Variants in PRKCZ observed in about 807,000 individuals in gnomAD.
The protein encoded by PRKCZ is protein kinase C zeta type.
PRKCZ carries 33 observed loss-of-function variants against 79.5 expected under a neutral mutation model. The ratio of observed to expected loss-of-function variants is 0.41; its 90% CI spans 0.31 to 0.55. The LOEUF is 0.55. Among genes scored for constraint, PRKCZ ranks in the 20% least tolerant of loss-of-function variants. PRKCZ has a pLI of 0.19. For synonymous variants in PRKCZ, 342 were observed against 320.9 expected (o/e 1.07, Z -0.70); for missense variants, 578 against 813.5 (o/e 0.71, Z 3.52).
At position 2,184,547 on chromosome 1, in the gene PRKCZ, G is replaced by A. The variant is rs760358797; in HGVS notation, c.1576-36G>A. ...ACTCAATCTGGTAGGGATGATGCCCGCGCGGAGCTGACCCTTCTCCTATTG... is the reference window on the plus strand; with the variant it reads ...ACTCAATCTGGTAGGGATGATGCCCACGCGGAGCTGACCCTTCTCCTATTG... On this transcript the variant is annotated intron_variant, in intron 16 of 17. Coordinates refer to ENST00000378567, the MANE Select transcript of PRKCZ (RefSeq NM_002744.6). The A allele has an allele frequency of 3.4e-5, 52 of 1,536,350 alleles. No individual in the cohort carries two copies. The Middle Eastern group carries it at 6.7e-4, about 20-fold the overall frequency.
chr1:2,150,236 A>G (rs1422624707), intron 8 of PRKCZ, among the ~76,000 whole-genome samples: 7 of 150,290 alleles, frequency 4.7e-5, no homozygotes, highest in Non-Finnish European at 7.4e-5. Flanking sequence ...CGCCTCCTCC[A>G]CCCCGACCTC....
intron 4 of PRKCZ, among the ~76,000 whole-genome samples, chr1:2,089,557 T>G (rs537000923): frequency 1.2e-4 from 19 of 152,264 alleles, no homozygotes; most frequent in African/African-American, 4.3e-4. Context: ...TCTCAGAGTC[T>G]TCTTCACGTG....
At chr1:2,061,674 A>AGCCCT (rs1339995877) in intron 4 of PRKCZ, among the ~76,000 whole-genome samples, 1 of 151,780 alleles carries the variant, frequency 6.6e-6, no homozygotes, top group Non-Finnish European at 1.5e-5. Context: ...GGGGGTGGGG[A>AGCCCT]GCCCTGCCCT....
intron 4 of PRKCZ, among the ~76,000 whole-genome samples, chr1:2,066,517 A>G (rs1391484560): frequency 6.6e-6 from 1 of 152,050 alleles, no homozygotes; most frequent in Non-Finnish European, 1.5e-5. Context: ...TGATTTTTGT[A>G]ATTTTAGTAG....
chr1:2,120,114 A>C (rs1276740035), intron 4 of PRKCZ, among the ~76,000 whole-genome samples: 1 of 151,720 alleles, frequency 6.6e-6, no homozygotes, highest in Non-Finnish European at 1.5e-5. Flanking sequence ...CCTCACTGCC[A>C]CCCCTGGAAG....
chr1:2,101,922 A>G (rs1321456718), intron 4 of PRKCZ, among the ~76,000 whole-genome samples: 2 of 152,190 alleles, frequency 1.3e-5, no homozygotes, highest in Non-Finnish European at 2.9e-5. Flanking sequence ...TATGTAGCAG[A>G]TATGTGATAG....
intron 4 of PRKCZ, among the ~76,000 whole-genome samples, chr1:2,066,027 T>TC (rs1330401077): frequency 6.6e-6 from 1 of 152,246 alleles, no homozygotes; most frequent in African/African-American, 2.4e-5. Context: ...TGTGTAATTT[T>TC]CTTGATATGC....
intron 4 of PRKCZ, among the ~76,000 whole-genome samples, chr1:2,089,270 G>A (rs1355364010): frequency 6.6e-6 from 1 of 152,174 alleles, no homozygotes; most frequent in East Asian, 1.9e-4. Context: ...TCTGGGGCCT[G>A]CATGGGTAGA....
chr1:2,139,422 T>C (rs1296797314), intron 5 of PRKCZ, among the ~76,000 whole-genome samples: 5 of 151,932 alleles, frequency 3.3e-5, no homozygotes, highest in African/African-American at 1.2e-4. Flanking sequence ...ACCCCGTGTC[T>C]ACTAAAAATA....
At chr1:2,114,269 A>G (rs1670313830) in intron 4 of PRKCZ, among the ~76,000 whole-genome samples, 1 of 152,196 alleles carries the variant, frequency 6.6e-6, no homozygotes, top group Non-Finnish European at 1.5e-5. Context: ...CTGTGTTAAT[A>G]CAGGTAGCCC....
At chr1:2,101,606 G>A (rs555321282) in intron 4 of PRKCZ, among the ~76,000 whole-genome samples, 33 of 152,334 alleles carry the variant, frequency 2.2e-4, no homozygotes, top group African/African-American at 7.5e-4. Flanking sequence ...TGCAGGGCCC[G>A]GGGCAAAGGT....
chr1:2,185,038 C>A lies in PRKCZ; in HGVS notation c.*29C>A. The A allele has an allele frequency of 6.4e-7, 1 of 1,569,378 alleles. No individual in the cohort carries two copies. The highest frequency in any genetic ancestry group is 8.7e-7 in the Non-Finnish European group (1 of 1,146,672). ...CGCGTGCGTCTCTGTCGTGGACACGCGTGATTGACCCTTTAACTGTATCCT... is the reference window on the plus strand; with the variant it reads ...CGCGTGCGTCTCTGTCGTGGACACGAGTGATTGACCCTTTAACTGTATCCT... On this transcript the variant is annotated 3_prime_UTR_variant, in exon 18 of 18. Transcript: ENST00000378567.
At chr1:2,064,327 C>T (rs1341623680) in intron 4 of PRKCZ, among the ~76,000 whole-genome samples, 5 of 151,996 alleles carry the variant, frequency 3.3e-5, no homozygotes, top group African/African-American at 4.8e-5. Context: ...TGTTTTTTTA[C>T]TTTGTTGATA....
rs1204648113 is a variant in PRKCZ at position 2,061,918 on chromosome 1, G to GT, written c.334+2328dup. On this transcript the variant is annotated intron_variant, in intron 4 of 17. Coordinates refer to ENST00000378567, the MANE Select transcript of PRKCZ (RefSeq NM_002744.6). ...CTGGGGCTCTGTGGTTTTAGCGCCT[G>GT]TGGGGGTGTTCACAGGTGTTTTTGA... Among the ~76,000 whole-genome samples, 7 of 152,326 alleles carry GT rather than the reference G, an allele frequency of 4.6e-5. No individual in the cohort carries two copies. In the East Asian group the frequency reaches 1.4e-3, roughly 29 times the overall value.
intron 4 of PRKCZ, among the ~76,000 whole-genome samples, chr1:2,117,151 T>C (rs1670909728): frequency 1.3e-5 from 2 of 151,512 alleles, no homozygotes; most frequent in South Asian, 2.1e-4. Context: ...GGTCTCCCTA[T>C]GTTGCCCAGG....
At chr1:2,148,510 A>G (rs1679186626) in intron 7 of PRKCZ, among the ~76,000 whole-genome samples, 1 of 152,138 alleles carries the variant, frequency 6.6e-6, no homozygotes, top group Non-Finnish European at 1.5e-5. Context: ...TCCGTCTTCT[A>G]TCCAGGCCTC....
intron 4 of PRKCZ, among the ~76,000 whole-genome samples, chr1:2,105,813 C>T (rs1410839985): frequency 6.6e-6 from 1 of 152,202 alleles, no homozygotes; most frequent in Non-Finnish European, 1.5e-5. Flanking sequence ...TGGGTGATGA[C>T]CAGGTGATGC....
intron 4 of PRKCZ, among the ~76,000 whole-genome samples, chr1:2,079,293 G>A (rs545774109): frequency 1.1e-3 from 168 of 152,344 alleles, no homozygotes; most frequent in African/African-American, 3.8e-3. Flanking sequence ...GAGGCTTCCC[G>A]CGTGTGAACT....
At chr1:2,175,640 C>T (rs1341222893) in intron 16 of PRKCZ, among the ~76,000 whole-genome samples, 4 of 151,526 alleles carry the variant, frequency 2.6e-5, no homozygotes, top group South Asian at 2.1e-4. Flanking sequence ...TGTGTGAGCT[C>T]GCGCACCGCC....
Sources: allele counts gnomAD v4.1 joint callset (sites outside exome capture counted in the v4.1 genomes callset), GRCh38; gene constraint gnomAD v4.1.1; transcripts MANE v1.5; gene names NCBI Gene and HGNC (gene_info 2026-07-23, HGNC 2026-07-21).